CASP5: variants seen among roughly 807,000 people sequenced by gnomAD.
CASP5 encodes caspase 5, also known as caspase-5.
A neutral mutation model predicts 45.2 loss-of-function variants in CASP5; 42 were observed. That is an observed-to-expected ratio of 0.93 (90% CI 0.73 to 1.20). CASP5 has a LOEUF of 1.20. Ranked by LOEUF, CASP5 falls within the 50% of genes most tolerant of loss-of-function variation. CASP5 has a pLI of 0.00. For missense variants in CASP5, 512 were observed against 532.2 expected, an observed-to-expected ratio of 0.96 and a Z score of 0.37; for synonymous variants, 209 against 186.2, an observed-to-expected ratio of 1.12 and a Z score of -1.00.
chr11:104,998,804 G>C, intron 7 of CASP5, 81 bp downstream of exon 7: 1 of 1,352,920 alleles, frequency 7.4e-7, no homozygotes, highest in Non-Finnish European at 1.0e-6. Context: ...TTGTTGCATA[G>C]GGCCTATCTT....
chr11:105,000,097 C>A (rs954951549), intron 6 of CASP5, among the ~76,000 whole-genome samples, 164 bp downstream of exon 6: 3 of 152,220 alleles, frequency 2.0e-5, no homozygotes, highest in East Asian at 3.8e-4. Flanking sequence ...ACTGATGAGA[C>A]AATTTCTCAT....
intron 3 of CASP5, among the ~76,000 whole-genome samples, chr11:105,003,652 A>C (rs1038455830): frequency 1.3e-5 from 2 of 151,746 alleles, no homozygotes; most frequent in Non-Finnish European, 2.9e-5. Flanking sequence ...TTAAAGTTAA[A>C]TTTGGCTTTT....
intron 1 of CASP5, among the ~76,000 whole-genome samples, chr11:105,018,212 G>A (rs1862739461): frequency 1.3e-5 from 2 of 151,628 alleles, no homozygotes; most frequent in African/African-American, 2.4e-5. Context: ...ATGCCAAAAT[G>A]TAAAGACCAT....
rs1170578061 is a variant in CASP5 at position 105,003,307 on chromosome 11, T to C, written c.510A>G (p.Glu170=). The part of the protein sequence containing the change: ...TNILKLCPRE[E]FLRLCKKNHD... ...GATTTTTTTTACACAGTCTCAGGAATTCTTCACGAGGACAAAGTTTGAGTA... is the reference window on the plus strand; with the variant it reads ...GATTTTTTTTACACAGTCTCAGGAACTCTTCACGAGGACAAAGTTTGAGTA... The change falls in exon 4 of 10, where the codon GAA becomes GAG. Residue 170 remains glutamate (E), a synonymous_variant. Coordinates refer to ENST00000260315, the MANE Select transcript of CASP5 (RefSeq NM_004347.5). 1.9e-6 allele frequency: 3 copies of C among 1,607,328 alleles called. No individual in the cohort carries two copies. The African/African-American group carries it at 4.0e-5, about 22-fold the overall frequency.
At position 105,008,896 on chromosome 11, in the gene CASP5, A is replaced by G. The variant is rs889059151; in HGVS notation, c.92T>C (p.Ile31Thr). The part of the protein sequence containing the change: ...ILQSGLDNFV[I>T]NHMLKNNVAG... ...CACGTTGTTCTTTAGCATGTGGTTTATCACGAAGTTATCCAATCCACTCTG... is the reference window on the plus strand; with the variant it reads ...CACGTTGTTCTTTAGCATGTGGTTTGTCACGAAGTTATCCAATCCACTCTG... Residue 31 changes from isoleucine (I) to threonine (T), a missense_variant, in exon 2 of 10, where the codon ATA becomes ACA. Ile to Thr is a moderately conservative substitution (Grantham distance 89). Coordinates refer to ENST00000260315, the MANE Select transcript of CASP5 (RefSeq NM_004347.5). The G allele has an allele frequency of 6.2e-7, 1 of 1,613,038 alleles. No individual in the cohort carries two copies. The highest frequency in any genetic ancestry group is 1.1e-5 in the South Asian group (1 of 91,062).
At chr11:104,996,912 G>T (rs554679407) in intron 8 of CASP5, among the ~76,000 whole-genome samples, 1 of 152,056 alleles carries the variant, frequency 6.6e-6, no homozygotes, top group African/African-American at 2.4e-5. Flanking sequence ...CCTGTTACAT[G>T]CCTTTATGAA....
intron 4 of CASP5, among the ~76,000 whole-genome samples, chr11:105,002,558 T>C (rs909094525): frequency 3.9e-5 from 6 of 152,220 alleles, no homozygotes. Flanking sequence ...TTGCCTTCCG[T>C]ATTATGATTA....
chr11:105,017,532 G>A (rs1348950526), intron 1 of CASP5, among the ~76,000 whole-genome samples: 22 of 152,044 alleles, frequency 1.4e-4, no homozygotes, highest in South Asian at 2.1e-4. Flanking sequence ...GAGCCGATGC[G>A]ATCAACTGGA....
rs1028372550 is a variant in CASP5 at position 105,003,137 on chromosome 11, T to C, written c.543+137A>G. 31 of 635,658 alleles carry C rather than the reference T, an allele frequency of 4.9e-5. No homozygotes were observed. In the African/African-American group the frequency reaches 5.8e-4, roughly 12 times the overall value. 39.4% of individuals were successfully genotyped at this position (635,658 alleles called of 1,614,324 possible). ...ATCTCTTGAGCCCATGTGTTCAAGA[T>C]AGCAGTCAGCTATGATCACACCACA... On this transcript the variant is annotated intron_variant, in intron 4 of 9. Transcript: ENST00000260315.
At chr11:105,015,895 T>A (rs985517866) in intron 1 of CASP5, among the ~76,000 whole-genome samples, 21 of 152,184 alleles carry the variant, frequency 1.4e-4, no homozygotes, top group Non-Finnish European at 2.9e-5. Flanking sequence ...GAAGTACAAG[T>A]GAAGTAAAAT....
intron 3 of CASP5, among the ~76,000 whole-genome samples, chr11:105,006,217 T>G (rs1861993594): frequency 6.6e-6 from 1 of 152,164 alleles, no homozygotes; most frequent in Admixed American, 6.5e-5. Context: ...TTTATAGTAG[T>G]TCCCTGATCA....
rs1861835570 is a variant in CASP5 at position 105,003,294 on chromosome 11, A to G, written c.523T>C (p.Cys175Arg). 4 of 1,601,998 alleles carry G rather than the reference A, an allele frequency of 2.5e-6. No individual in the cohort carries two copies. The highest frequency in any genetic ancestry group is 1.1e-5 in the South Asian group (1 of 90,144). The change falls in exon 4 of 10, where the codon TGT (cysteine) becomes CGT (arginine). Residue 175 changes from cysteine to arginine, a missense_variant. Physicochemically the swap from Cys to Arg is radical, Grantham distance 180. Coordinates refer to ENST00000260315, the MANE Select transcript of CASP5 (RefSeq NM_004347.5). ...AGCACCTCATCATGATTTTTTTTACACAGTCTCAGGAATTCTTCACGAGGA... is the reference window on the plus strand; with the variant it reads ...AGCACCTCATCATGATTTTTTTTACGCAGTCTCAGGAATTCTTCACGAGGA... ...LCPREEFLRLCKKNHDEIYPI... is the reference protein window; with the variant it reads ...LCPREEFLRLRKKNHDEIYPI...
intron 1 of CASP5, 132 bp downstream of exon 1, chr11:105,022,998 A>C (rs1863051939): frequency 4.9e-6 from 4 of 810,578 alleles, no homozygotes; most frequent in Non-Finnish European, 8.3e-6. Context: ...TACCACCAAT[A>C]AGAGAAAGAT....
In CASP5 at chr11:105,023,132, G is replaced by C. The variant is rs1591184712; in HGVS notation, c.5C>G (p.Ala2Gly). Residue 2 changes from alanine (A) to glycine (G), a missense_variant and splice_region_variant, in exon 1 of 10, where the codon GCT (alanine) becomes GGT (glycine). Coordinates refer to ENST00000260315, the MANE Select transcript of CASP5 (RefSeq NM_004347.5). The stretch of plus-strand genomic sequence containing the variant: ...GTCAGAAAAGGGCCCAGACTCACCA[G>C]CCATAGCTAACAGCCTCTGTCTCTT... M[A>G]EDSGKKKRRK... is the part of the protein sequence containing the mutation. 1 of 1,551,022 alleles carries C rather than the reference G, an allele frequency of 6.4e-7. No homozygotes were observed. The highest frequency in any genetic ancestry group is 2.4e-5 in the East Asian group (1 of 40,908).
At chr11:105,016,741 C>T (rs1468480758) in intron 1 of CASP5, among the ~76,000 whole-genome samples, 1 of 152,248 alleles carries the variant, frequency 6.6e-6, no homozygotes, top group East Asian at 1.9e-4. Context: ...GGGCGCCCAC[C>T]ATTGCCCAGG....
chr11:105,002,681 A>T (rs1861799080), intron 4 of CASP5, among the ~76,000 whole-genome samples: 3 of 152,232 alleles, frequency 2.0e-5, no homozygotes, highest in African/African-American at 7.2e-5. Flanking sequence ...ATTACTACTC[A>T]GCCATGTTAT....
chr11:105,009,720 CATATATATATATATATATAT>C (rs199695891), intron 1 of CASP5, among the ~76,000 whole-genome samples: 27 of 64,070 alleles, frequency 4.2e-4, no homozygotes, highest in Non-Finnish European at 7.5e-4. Flanking sequence ...TATATACACA[CATATATATATATATATATAT>C]ATATATATAT....
intron 8 of CASP5, 98 bp downstream of exon 8, chr11:104,997,285 T>C (rs1861508173): frequency 2.3e-6 from 2 of 871,998 alleles, no homozygotes; most frequent in Non-Finnish European, 3.8e-6. Flanking sequence ...TACTTTTGCT[T>C]GCCTGAAAAA....
chr11:104,995,970 T>C, intron 8 of CASP5, 128 bp from the exon 9 acceptor site: 2 of 600,250 alleles, frequency 3.3e-6, no homozygotes, highest in Non-Finnish European at 6.0e-6. Flanking sequence ...CCATGGATAT[T>C]CCAACTCCTT....
Sources: allele counts gnomAD v4.1 joint callset (sites outside exome capture counted in the v4.1 genomes callset), GRCh38; gene constraint gnomAD v4.1.1; transcripts MANE v1.5; gene names NCBI Gene and HGNC (gene_info 2026-07-23, HGNC 2026-07-21).